TRA2B: variants seen among roughly 807,000 people sequenced by gnomAD.
TRA2B encodes the protein transformer-2 protein homolog beta.
TRA2B carries 14 observed loss-of-function variants against 41.7 expected under a neutral mutation model. That is an observed-to-expected ratio of 0.34 (90% CI 0.22 to 0.53). The LOEUF (loss-of-function observed/expected upper bound fraction) is 0.53. Among genes scored for constraint, TRA2B ranks in the 20% least tolerant of loss-of-function variants. TRA2B has a pLI of 0.95. For missense variants in TRA2B, 167 were observed against 396.8 expected (o/e 0.42, Z 4.92); for synonymous variants, 130 against 128.8 (o/e 1.01, Z -0.06).
intron 7 of TRA2B, among the ~76,000 whole-genome samples, chr3:185,918,789 A>G (rs899035181): frequency 1.3e-5 from 2 of 152,090 alleles, no homozygotes; most frequent in African/African-American, 4.8e-5. Context: ...CAGGAGGATC[A>G]CTTGAGGCCA....
In TRA2B at chr3:185,916,463, G is replaced by A. The variant is rs1457504913; in HGVS notation, c.*1252C>T. On this transcript the variant is annotated 3_prime_UTR_variant, in exon 9 of 9. Coordinates refer to ENST00000453386, the MANE Select transcript of TRA2B (RefSeq NM_004593.3). ...ACCTGTAGCAACATCCCTACAATTG[G>A]TCATGAAAATTACTTAAATGCAAAA... The A allele has an allele frequency of 6.6e-6, 1 of 152,114 alleles. No homozygotes were observed. The highest frequency in any genetic ancestry group is 1.5e-5 in the Non-Finnish European group (1 of 68,010). 9.4% of individuals were successfully genotyped at this position (152,114 alleles called of 1,614,324 possible).
chr3:185,937,338 T>C, intron 1 of TRA2B: 1 of 990,268 alleles, frequency 1.0e-6, no homozygotes, highest in Non-Finnish European at 1.2e-6. Context: ...CAAAAGAACG[T>C]CGTCTGTCCC....
At position 185,926,499 on chromosome 3, in the gene TRA2B, G is replaced by C; in HGVS notation, c.170+102C>G. 4.1e-6 allele frequency: 6 copies of C among 1,463,282 alleles called. No homozygotes were observed. The South Asian group carries it at 7.6e-5, about 19-fold the overall frequency. 90.6% of individuals were successfully genotyped at this position (1,463,282 alleles called of 1,614,324 possible). A position where few individuals can be genotyped will look rare whatever the true frequency, so the allele number is the denominator to read the frequency against. On this transcript the variant is annotated intron_variant, in intron 2 of 8. Coordinates refer to ENST00000453386, the MANE Select transcript of TRA2B (RefSeq NM_004593.3). ...TCACTTCTAGTACCAATATTTAATA[G>C]GCCAACAAATAATCTAACCCTCTCT...
At chr3:185,920,188 C>T (rs1228189367) in intron 6 of TRA2B, among the ~76,000 whole-genome samples, 1 of 152,168 alleles carries the variant, frequency 6.6e-6, no homozygotes, top group Non-Finnish European at 1.5e-5. Flanking sequence ...TAAAATTATT[C>T]TCTGGACTCT....
intron 1 of TRA2B, among the ~76,000 whole-genome samples, chr3:185,933,344 T>C (rs1406976906): frequency 6.6e-6 from 1 of 152,204 alleles, no homozygotes; most frequent in East Asian, 1.9e-4. Context: ...AATATTAGAT[T>C]TAATTCAACT....
rs760437885 is a variant in TRA2B at position 185,921,195 on chromosome 3, GAAAA to G, written c.639-12_639-9del. 1.2e-6 allele frequency: 2 copies of G among 1,613,532 alleles called. No individual in the cohort carries two copies. Among genetic ancestry groups the G allele is most frequent in the Non-Finnish European group, 1.7e-6 (2 of 1,179,714 alleles). ...CGACGGCGAGAGCTGCCACTATGAA[GAAAA>G]AAATATTCAGGTGACCTCCCTTATC... On this transcript the variant is annotated splice_polypyrimidine_tract_variant and intron_variant, in intron 5 of 8. Transcript: ENST00000453386.
At chr3:185,933,788 A>C (rs1193050086) in intron 1 of TRA2B, among the ~76,000 whole-genome samples, 1 of 146,774 alleles carries the variant, frequency 6.8e-6, no homozygotes, top group African/African-American at 2.4e-5. Flanking sequence ...ACTCTCTTGT[A>C]AATATAGCAC....
In TRA2B at chr3:185,919,431, G is replaced by C. The variant is rs1198093021; in HGVS notation, c.782+6C>G. 2 of 1,611,356 alleles carry C rather than the reference G, an allele frequency of 1.2e-6. No homozygotes were observed. Among genetic ancestry groups the C allele is most frequent in the African/African-American group, 1.3e-5 (1 of 74,880 alleles). ...TGTACAGATGCTAAGTCCTCTCCTGGCATACCTATAAATCTGATCCCTGTC... is the reference window on the plus strand; with the variant it reads ...TGTACAGATGCTAAGTCCTCTCCTGCCATACCTATAAATCTGATCCCTGTC... On this transcript the variant is annotated splice_donor_region_variant and intron_variant, in intron 7 of 8. Transcript: ENST00000453386.
Position 185,922,110 on chromosome 3 carries a change from T to C in TRA2B, c.539A>G (p.Asn180Ser), listed in dbSNP as rs1303854859. 1.9e-6 allele frequency: 3 copies of C among 1,613,260 alleles called. No homozygotes were observed. Among genetic ancestry groups the C allele is most frequent in the Non-Finnish European group, 1.7e-6 (2 of 1,179,558 alleles). Residue 180 changes from asparagine (N) to serine (S), a missense_variant, in exon 5 of 9, where the codon AAT becomes AGT. Transcript: ENST00000453386. ...CCTACGCCCATCAAGCTCCATTCCATTGGCACGTTCTTTAGCCTTCAAAAG... is the reference window on the plus strand; with the variant it reads ...CCTACGCCCATCAAGCTCCATTCCACTGGCACGTTCTTTAGCCTTCAAAAG... Reference protein sequence around the residue: ...DDAKEAKERANGMELDGRRIR... With the variant: ...DDAKEAKERASGMELDGRRIR...
In TRA2B at chr3:185,920,560, T is replaced by C. The variant is rs141866887; in HGVS notation, c.722+544A>G. On this transcript the variant is annotated intron_variant, in intron 6 of 8. Transcript: ENST00000453386. ...ATTTTGCTTTCACTATGTATTCATTTATTTATTTTTTTTTTTGAGTCTCTC... is the reference window on the plus strand; with the variant it reads ...ATTTTGCTTTCACTATGTATTCATTCATTTATTTTTTTTTTTGAGTCTCTC... Among the ~76,000 whole-genome samples, 140 of 152,262 alleles carry C rather than the reference T, an allele frequency of 9.2e-4. No homozygotes were observed. In the East Asian group the frequency reaches 0.015, roughly 16 times the overall value.
At chr3:185,918,745 A>G (rs1743600999) in intron 7 of TRA2B, among the ~76,000 whole-genome samples, 1 of 152,144 alleles carries the variant, frequency 6.6e-6, no homozygotes, top group Admixed American at 6.5e-5. Flanking sequence ...CGGTGGCTCA[A>G]CGCCTATAAT....
rs1253624153 is a variant in TRA2B, at chr3:185,917,005, C to CATT, written c.*707_*709dup. The CATT allele has an allele frequency of 6.6e-6, 1 of 152,494 alleles. No individual in the cohort carries two copies. Among genetic ancestry groups the CATT allele is most frequent in the Non-Finnish European group, 1.5e-5 (1 of 68,026 alleles). 9.4% of individuals were successfully genotyped at this position (152,494 alleles called of 1,614,324 possible). A position where few individuals can be genotyped will look rare whatever the true frequency, so the allele number is the denominator to read the frequency against. On this transcript the variant is annotated 3_prime_UTR_variant, in exon 9 of 9. Transcript: ENST00000453386. ...ACTTGCTGATAACTAGTTGAAATAC[C>CATT]ATTATCCCCTTGTAACACCTTTAAG...
At chr3:185,933,856 AAT>A (rs367841179) in intron 1 of TRA2B, among the ~76,000 whole-genome samples, 10 of 152,108 alleles carry the variant, frequency 6.6e-5, no homozygotes, top group African/African-American at 2.2e-4. Flanking sequence ...AGCAAATATA[AAT>A]ATCTTTTGAC....
chr3:185,929,103 C>T (rs774137883), intron 1 of TRA2B: 1 of 152,148 alleles, frequency 6.6e-6, no homozygotes. Flanking sequence ...AAGGGAAATA[C>T]CAGAATGCAA....
chr3:185,925,048 G>A (rs4686711), intron 3 of TRA2B: 2,068 of 153,660 alleles, frequency 0.013, 40 homozygotes, highest in Admixed American at 0.059. Flanking sequence ...TTCATGAAAT[G>A]TAAAAAATGC....
chr3:185,936,393 A>G, intron 1 of TRA2B: 2 of 985,442 alleles, frequency 2.0e-6, no homozygotes, highest in East Asian at 1.1e-4. Context: ...CATTGGAGTC[A>G]ATCGGCTTCG....
At chr3:185,932,867 T>C (rs767152658) in intron 1 of TRA2B, among the ~76,000 whole-genome samples, 1 of 152,186 alleles carries the variant, frequency 6.6e-6, no homozygotes, top group Non-Finnish European at 1.5e-5. Context: ...TGTAAGGCTT[T>C]GTTTAAAAAA....
chr3:185,926,082 G>A (rs770443979), intron 2 of TRA2B, among the ~76,000 whole-genome samples: 2 of 151,816 alleles, frequency 1.3e-5, no homozygotes, highest in Admixed American at 6.6e-5. Flanking sequence ...TCATCGAAAC[G>A]AGGACACACA....
At position 185,917,106 on chromosome 3, in the gene TRA2B, G is replaced by A. The variant is rs556777783; in HGVS notation, c.*609C>T. On this transcript the variant is annotated 3_prime_UTR_variant, in exon 9 of 9. Transcript: ENST00000453386. ...ACATATTACAGATTACATAAAAGCC[G>A]ACAAATCCACATTGATATAAGCATT... 1.1e-4 allele frequency: 17 copies of A among 152,280 alleles called. No homozygotes were observed. The highest frequency in any genetic ancestry group is 4.1e-4 in the African/African-American group (17 of 41,548). The allele number at this position is 152,280 out of a possible 1,614,324, so 9.4% of individuals were successfully genotyped here.
Sources: gnomAD v4.1 joint callset for allele counts (sites outside exome capture counted in the v4.1 genomes callset) on GRCh38, gnomAD v4.1.1 for gene constraint, MANE v1.5 for transcripts, NCBI Gene and HGNC (gene_info 2026-07-23, HGNC 2026-07-21) for gene names.